USP9X: variants seen among roughly 807,000 people sequenced by gnomAD.
The protein encoded by USP9X is ubiquitin specific peptidase 9 X-linked.
A neutral mutation model predicts 190.3 loss-of-function variants in USP9X; 7 were observed. The observed-to-expected ratio is 0.04, with a 90% CI of 0.02 to 0.07. The LOEUF is 0.07. USP9X is among the 10% of genes least tolerant of loss of function. USP9X has a pLI of 1.00. For missense variants in USP9X, 1,010 were observed against 1,916.9 expected, an observed-to-expected ratio of 0.53 and a Z score of 8.83; for synonymous variants, 645 against 659.5, an observed-to-expected ratio of 0.98 and a Z score of 0.34.
At chrX:41,098,981 A>C (rs1300493331) in intron 1 of USP9X, among the ~76,000 whole-genome samples, 2 of 108,938 alleles carry the variant, frequency 1.8e-5, no homozygotes, top group African/African-American at 6.7e-5. Flanking sequence ...GCTGGAGTGC[A>C]GTGGTGTGAT....
At chrX:41,200,558 A>G (rs904265022) in intron 30 of USP9X, among the ~76,000 whole-genome samples, 4 of 112,148 alleles carry the variant, frequency 3.6e-5, no homozygotes, top group Non-Finnish European at 5.6e-5. Flanking sequence ...AGGAAGAAAC[A>G]GAAAGTTACC....
At chrX:41,147,396 C>T (rs1039880403) in intron 11 of USP9X, among the ~76,000 whole-genome samples, 16 of 107,892 alleles carry the variant, frequency 1.5e-4, no homozygotes, top group Non-Finnish European at 2.3e-4. Flanking sequence ...TCTTTGAAGA[C>T]GTACCATATT....
chrX:41,217,370 A>G (rs1215052836), intron 36 of USP9X, 27 bp downstream of exon 36: 2 of 1,180,050 alleles, frequency 1.7e-6, no homozygotes, highest in South Asian at 2.0e-5. Flanking sequence ...TTTCATTCCT[A>G]TTATACTAAT....
chrX:41,219,026 G>A (rs1344487432), intron 37 of USP9X, 76 bp from the exon 38 acceptor site: 1 of 1,033,290 alleles, frequency 9.7e-7, no homozygotes, highest in Non-Finnish European at 1.3e-6. Context: ...CAGCATATGT[G>A]CATGTCCTTT....
Position 41,165,860 on chromosome X carries a change from T to C in USP9X, c.1986-12T>C. 1.7e-6 allele frequency: 2 copies of C among 1,199,201 alleles called. No individual in the cohort carries two copies. Among genetic ancestry groups the C allele is most frequent in the Non-Finnish European group, 1.1e-6 (1 of 888,432 alleles). On this transcript the variant is annotated splice_polypyrimidine_tract_variant and intron_variant, in intron 15 of 44. Coordinates refer to ENST00000378308, the MANE Select transcript of USP9X (RefSeq NM_001039591.3). The stretch of plus-strand genomic sequence containing the variant: ...CATAAATCTAATTGCCAATTTTCAA[T>C]GTTTTTTCAAGATTTTTATTGAAGG...
chrX:41,216,985 C>G (rs1262635634), intron 35 of USP9X, among the ~76,000 whole-genome samples: 1 of 111,097 alleles, frequency 9.0e-6, no homozygotes, highest in Non-Finnish European at 1.9e-5. Context: ...TCGCTTGAAC[C>G]TGGGAGGTGG....
intron 44 of USP9X, among the ~76,000 whole-genome samples, chrX:41,231,118 TTTTC>T (rs778384218): frequency 1.6e-4 from 18 of 111,782 alleles, no homozygotes; most frequent in Non-Finnish European, 3.2e-4. Context: ...AATGATAACT[TTTTC>T]TTTCTGAAAC....
Position 41,085,749 on chromosome X carries a change from GT to G in USP9X, c.-518del, listed in dbSNP as rs1194047128. 3.4e-6 allele frequency: 1 copy of G among 297,537 alleles called. No individual in the cohort carries two copies. The highest frequency in any genetic ancestry group is 5.8e-6 in the Non-Finnish European group (1 of 171,075). The allele number at this position is 297,537 out of a possible 1,213,427, so 24.5% of individuals were successfully genotyped here. ...GCGGCGACTAGGGGAAGGTGAAGCCGTCGCTGCAGGAGGAGGAGCAGGAGGA... is the reference window on the plus strand; with the variant it reads ...GCGGCGACTAGGGGAAGGTGAAGCCGCGCTGCAGGAGGAGGAGCAGGAGGA... On this transcript the variant is annotated 5_prime_UTR_variant, in exon 1 of 45. Coordinates refer to ENST00000378308, the MANE Select transcript of USP9X (RefSeq NM_001039591.3).
chrX:41,098,923 T>G (rs1487960762), intron 1 of USP9X, among the ~76,000 whole-genome samples: 1 of 106,918 alleles, frequency 9.4e-6, no homozygotes, highest in East Asian at 3.0e-4. Flanking sequence ...TTGAGGTGGG[T>G]TTTTTTCATT....
At chrX:41,116,990 A>G (rs1247255469) in intron 1 of USP9X, among the ~76,000 whole-genome samples, 2 of 111,611 alleles carry the variant, frequency 1.8e-5, no homozygotes, top group African/African-American at 6.5e-5. Flanking sequence ...AAGGGATCAA[A>G]TTCTTATGTG....
intron 26 of USP9X, chrX:41,196,033 A>G (rs2062981126): frequency 1.0e-5 from 5 of 497,770 alleles, no homozygotes; most frequent in African/African-American, 7.0e-5. Context: ...CTTAGTGTCA[A>G]TTTGAGGTTA....
Position 41,205,200 on chromosome X carries a change from G to A in USP9X, c.4825-103G>A, listed in dbSNP as rs537873584. ...ATAAATTGAAAAGTGCTTTGGAAAT[G>A]AGCATAATAGGAATACAAATCATTT... is the stretch of plus-strand genomic sequence containing the variant. On this transcript the variant is annotated intron_variant, in intron 31 of 44. Transcript: ENST00000378308. 1.9e-3 allele frequency: 1,161 copies of A among 614,756 alleles called. 9 individuals carry two copies. Among genetic ancestry groups the A allele is most frequent in the South Asian group, 0.018 (413 of 23,583 alleles). 50.7% of individuals were successfully genotyped at this position (614,756 alleles called of 1,213,427 possible). A position where few individuals can be genotyped will look rare whatever the true frequency, so the allele number is the denominator to read the frequency against.
chrX:41,176,381 C>T (rs1486443252), intron 21 of USP9X, among the ~76,000 whole-genome samples: 2 of 111,478 alleles, frequency 1.8e-5, no homozygotes, highest in Admixed American at 1.9e-4. Context: ...TTGGACAGTC[C>T]AGGCAGGTAC....
In USP9X at chrX:41,108,918, A is replaced by T. The variant is rs1040077674; in HGVS notation, c.-158-14553A>T. On this transcript the variant is annotated intron_variant, in intron 1 of 44. Coordinates refer to ENST00000378308, the MANE Select transcript of USP9X (RefSeq NM_001039591.3). The stretch of plus-strand genomic sequence containing the variant: ...GCCTAGCTGGAAAAAAGAGCCCCAG[A>T]CTTCTTAGCCACTCTTGGTGCAATA... Among the ~76,000 whole-genome samples, 11 of 111,099 alleles carry T rather than the reference A, an allele frequency of 9.9e-5. No individual in the cohort carries two copies. In the East Asian group the frequency reaches 2.5e-3, roughly 26 times the overall value.
At position 41,108,956 on chromosome X, in the gene USP9X, C is replaced by G. The variant is rs145169757; in HGVS notation, c.-158-14515C>G. 8.1e-5 allele frequency among the ~76,000 whole-genome samples: 9 copies of G among 111,219 alleles called. No homozygotes were observed. In the Admixed American group the frequency reaches 8.6e-4, roughly 11 times the overall value. ...TCTTGGTGCAATAGAGCCTGTGCAA[C>G]TCAAAGTTGGGGGTGTTGAGAAATG... On this transcript the variant is annotated intron_variant, in intron 1 of 44. Coordinates refer to ENST00000378308, the MANE Select transcript of USP9X (RefSeq NM_001039591.3).
At chrX:41,136,735 T>C in intron 5 of USP9X, 69 bp from the exon 6 acceptor site, 1 of 754,790 alleles carries the variant, frequency 1.3e-6, no homozygotes, top group Non-Finnish European at 2.0e-6. Flanking sequence ...CGATTAATAT[T>C]GGAAGATATT....
intron 14 of USP9X, among the ~76,000 whole-genome samples, chrX:41,154,796 T>G (rs191311214): frequency 1.8e-5 from 2 of 111,634 alleles, no homozygotes; most frequent in East Asian, 5.6e-4. Context: ...AATTTTAACA[T>G]CATACCTTTT....
At chrX:41,169,306 G>A (rs1170981891) in intron 18 of USP9X, among the ~76,000 whole-genome samples, 1 of 110,960 alleles carries the variant, frequency 9.0e-6, no homozygotes, top group Admixed American at 9.6e-5. Context: ...GTCTTAGTGA[G>A]TTGGGCTTTT....
At chrX:41,197,008 C>A (rs964183829) in intron 28 of USP9X, among the ~76,000 whole-genome samples, 2 of 111,577 alleles carry the variant, frequency 1.8e-5, no homozygotes, top group Non-Finnish European at 3.8e-5. Flanking sequence ...TTTGCAAATT[C>A]TAATTTTTAA....
Sources: gnomAD v4.1 joint callset for allele counts (sites outside exome capture counted in the v4.1 genomes callset) on GRCh38, gnomAD v4.1.1 for gene constraint, MANE v1.5 for transcripts, NCBI Gene and HGNC (gene_info 2026-07-23, HGNC 2026-07-21) for gene names.